The following CCDC34 variants were observed in gnomAD, a reference collection of about 807,000 sequenced individuals.
CCDC34 encodes coiled-coil domain containing 34.
A neutral mutation model predicts 44.1 loss-of-function variants in CCDC34; 40 were observed. The observed-to-expected ratio is 0.91, with a 90% confidence interval of 0.70 to 1.18. The LOEUF (loss-of-function observed/expected upper bound fraction) is 1.18. Among genes scored for constraint, CCDC34 ranks in the 50% most tolerant of loss-of-function variants. CCDC34 has a pLI of 0.00. For missense variants in CCDC34, 466 were observed against 452.3 expected (o/e 1.03, Z -0.28); for synonymous variants, 159 against 158.2 (o/e 1.01, Z -0.04).
intron 1 of CCDC34, among the ~76,000 whole-genome samples, chr11:27,362,022 C>T (rs1030816056): frequency 6.6e-6 from 1 of 152,138 alleles, no homozygotes; most frequent in Non-Finnish European, 1.5e-5. Context: ...TGTCTATCTT[C>T]GTAGTAGACC....
chr11:27,347,394 C>T (rs1221789226), intron 3 of CCDC34, among the ~76,000 whole-genome samples: 2 of 152,030 alleles, frequency 1.3e-5, no homozygotes, highest in Non-Finnish European at 2.9e-5. Flanking sequence ...AACAAGTGTC[C>T]ACAAAAAGAC....
intron 3 of CCDC34, among the ~76,000 whole-genome samples, chr11:27,348,564 ATTCT>A (rs545042552): frequency 4.8e-4 from 73 of 152,302 alleles, no homozygotes; most frequent in African/African-American, 1.7e-3. Flanking sequence ...GAATGCATAA[ATTCT>A]TTGTGTCTGA....
In CCDC34 at chr11:27,357,545, C is replaced by T; in HGVS notation, c.360-4G>A. The stretch of plus-strand genomic sequence containing the variant: ...ATTTTCTGATTCAACCTGAGTGCTA[C>T]AAAAGAGAGGCTACTATAGTACTTG... On this transcript the variant is annotated splice_polypyrimidine_tract_variant and splice_region_variant and intron_variant, in intron 1 of 5. Transcript: ENST00000328697. 6.2e-7 allele frequency: 1 copy of T among 1,613,428 alleles called. No individual in the cohort carries two copies.
Position 27,362,922 on chromosome 11 carries a change from A to T in CCDC34, c.273T>A (p.Asp91Glu). The change falls in exon 1 of 6, where the codon GAT becomes GAA. Residue 91 changes from aspartate to glutamate, a missense_variant. Physicochemically the swap from Asp to Glu is conservative, Grantham distance 45. Coordinates refer to ENST00000328697, the MANE Select transcript of CCDC34 (RefSeq NM_030771.2). Reference sequence around the variant, plus strand: ...CATCTTCATCCACGTCTTCCTCATCATCCACGTCTTCCTCATCCTCCCCGT... The same window carrying T: ...CATCTTCATCCACGTCTTCCTCATCTTCCACGTCTTCCTCATCCTCCCCGT... ...DGDGEDEEDV[D>E]DEEDVDEDAH... The T allele has an allele frequency of 6.2e-7, 1 of 1,600,814 alleles. No individual in the cohort carries two copies. The highest frequency in any genetic ancestry group is 8.5e-7 in the Non-Finnish European group (1 of 1,176,790).
chr11:27,362,413 A>G (rs1368317826), intron 1 of CCDC34, among the ~76,000 whole-genome samples: 1 of 152,210 alleles, frequency 6.6e-6, no homozygotes, highest in Non-Finnish European at 1.5e-5. Context: ...CTACTTCACT[A>G]GCAATCAGTA....
Position 27,341,346 on chromosome 11 carries a change from G to T in CCDC34, c.765+46C>A. ...TTTCTAAGATATAGTTGACACATAT[G>T]AACACCAAAGTTATGTATTCTAACT... On this transcript the variant is annotated intron_variant, in intron 4 of 5. Coordinates refer to ENST00000328697, the MANE Select transcript of CCDC34 (RefSeq NM_030771.2). 3.4e-6 allele frequency: 4 copies of T among 1,190,396 alleles called. No individual in the cohort carries two copies. In the South Asian group the frequency reaches 5.5e-5, roughly 16 times the overall value. 73.7% of individuals were successfully genotyped at this position (1,190,396 alleles called of 1,614,324 possible).
intron 5 of CCDC34, among the ~76,000 whole-genome samples, chr11:27,339,394 T>G (rs1862322160): frequency 6.6e-6 from 1 of 152,182 alleles, no homozygotes. Flanking sequence ...AACTACTGAT[T>G]GTGTACTAGC....
intron 1 of CCDC34, among the ~76,000 whole-genome samples, chr11:27,358,959 C>A (rs1862618055): frequency 6.6e-5 from 1 of 15,206 alleles, no homozygotes; most frequent in Non-Finnish European, 8.5e-4. Flanking sequence ...AACATGTGGA[C>A]CCCCCCCCCC....
rs946272265 is a variant in CCDC34 at position 27,339,554 on chromosome 11, C to T, written c.908-519G>A. On this transcript the variant is annotated intron_variant, in intron 5 of 5. Coordinates refer to ENST00000328697, the MANE Select transcript of CCDC34 (RefSeq NM_030771.2). ...TCACTGTAATTGTGATTATGAGTTA[C>T]GGAGCATTCTTTTGCTAATGTATAT... 7.2e-5 allele frequency among the ~76,000 whole-genome samples: 11 copies of T among 152,206 alleles called. No homozygotes were observed. In the East Asian group the frequency reaches 7.7e-4, roughly 11 times the overall value.
At chr11:27,343,069 G>C (rs1039949710) in intron 3 of CCDC34, among the ~76,000 whole-genome samples, 1 of 152,088 alleles carries the variant, frequency 6.6e-6, no homozygotes, top group Non-Finnish European at 1.5e-5. Flanking sequence ...TTATAGACAA[G>C]ATATGTCCAG....
chr11:27,360,890 C>A (rs1463013341), intron 1 of CCDC34, among the ~76,000 whole-genome samples: 1 of 152,166 alleles, frequency 6.6e-6, no homozygotes, highest in Non-Finnish European at 1.5e-5. Flanking sequence ...TCTGAGCATG[C>A]ACAGAGGAAT....
At position 27,338,996 on chromosome 11, in the gene CCDC34, T is replaced by A. The variant is rs1862316752; in HGVS notation, c.947A>T (p.Tyr316Phe). The A allele has an allele frequency of 6.2e-7, 1 of 1,613,314 alleles. No individual in the cohort carries two copies. Among genetic ancestry groups the A allele is most frequent in the Non-Finnish European group, 8.5e-7 (1 of 1,179,774 alleles). The change falls in exon 6 of 6, where the codon TAT (tyrosine) becomes TTT (phenylalanine). Residue 316 changes from tyrosine to phenylalanine, a missense_variant. Transcript: ENST00000328697. ...AATTGGTTTCCACGGAATTGGATTATAAAAGGCTGGTTCTGGATAGGAATT... is the reference window on the plus strand; with the variant it reads ...AATTGGTTTCCACGGAATTGGATTAAAAAAGGCTGGTTCTGGATAGGAATT... ...SGNSYPEPAF[Y>F]NPIPWKPIHM...
At chr11:27,350,655 T>C (rs2133344800) in intron 2 of CCDC34, among the ~76,000 whole-genome samples, 1 of 152,340 alleles carries the variant, frequency 6.6e-6, no homozygotes, top group South Asian at 2.1e-4. Flanking sequence ...GTGCAAATAA[T>C]TGCTTGGCAG....
chr11:27,350,949 G>C (rs1157874753), intron 2 of CCDC34, among the ~76,000 whole-genome samples: 3 of 152,086 alleles, frequency 2.0e-5, no homozygotes, highest in African/African-American at 7.2e-5. Context: ...TTTCTTCACT[G>C]GTTTTATAGC....
At chr11:27,354,072 G>A (rs1862538836) in intron 2 of CCDC34, among the ~76,000 whole-genome samples, 1 of 152,158 alleles carries the variant, frequency 6.6e-6, no homozygotes, top group Admixed American at 6.5e-5. Flanking sequence ...TAAAGGAAAA[G>A]GCAGTGAAAG....
Position 27,338,761 on chromosome 11 carries a change from A to C in CCDC34, c.*60T>G. The C allele has an allele frequency of 7.1e-7, 1 of 1,418,134 alleles. No individual in the cohort carries two copies. The highest frequency in any genetic ancestry group is 1.2e-5 in the South Asian group (1 of 82,420). 87.8% of individuals were successfully genotyped at this position (1,418,134 alleles called of 1,614,324 possible). ...TGAGTTATTGACTGAGCAGTAAAAAACAATTTCTGATTTTTAAATTAAATA... is the reference window on the plus strand; with the variant it reads ...TGAGTTATTGACTGAGCAGTAAAAACCAATTTCTGATTTTTAAATTAAATA... On this transcript the variant is annotated 3_prime_UTR_variant, in exon 6 of 6. Coordinates refer to ENST00000328697, the MANE Select transcript of CCDC34 (RefSeq NM_030771.2).
chr11:27,360,558 C>G (rs903463225), intron 1 of CCDC34, among the ~76,000 whole-genome samples: 1 of 150,178 alleles, frequency 6.7e-6, no homozygotes, highest in Non-Finnish European at 1.5e-5. Context: ...ACAGAATACT[C>G]AAAACCCAGA....
intron 3 of CCDC34, 154 bp downstream of exon 3, chr11:27,350,178 C>A: frequency 1.3e-6 from 2 of 1,544,652 alleles, no homozygotes; most frequent in Non-Finnish European, 1.7e-6. Context: ...AAGATAGAGA[C>A]TTGATAAATG....
chr11:27,349,163 T>C (rs1460688477), intron 3 of CCDC34: 5 of 976,334 alleles, frequency 5.1e-6, no homozygotes, highest in Non-Finnish European at 6.1e-6. Context: ...CAAACTATTC[T>C]GCATGTGTAA....
Sources: allele counts gnomAD v4.1 joint callset (sites outside exome capture counted in the v4.1 genomes callset), GRCh38; gene constraint gnomAD v4.1.1; transcripts MANE v1.5; gene names NCBI Gene and HGNC (gene_info 2026-07-23, HGNC 2026-07-21).